LEKR1: variants seen among roughly 807,000 people sequenced by gnomAD.
The protein encoded by LEKR1 is protein LEKR1.
Under a neutral mutation model 72.4 loss-of-function variants are expected in LEKR1, and 59 were observed. The observed-to-expected ratio is 0.82, with a 90% CI of 0.66 to 1.01. LEKR1 has a LOEUF of 1.01. LEKR1 is among the 50% of genes least tolerant of loss of function. LEKR1 has a pLI of 0.00. For synonymous variants in LEKR1, 257 were observed against 263.2 expected, an observed-to-expected ratio of 0.98 and a Z score of 0.23; for missense variants, 728 against 759.2, an observed-to-expected ratio of 0.96 and a Z score of 0.48.
chr3:156,856,037 A>G (rs1716013171), intron 3 of LEKR1, among the ~76,000 whole-genome samples: 1 of 152,176 alleles, frequency 6.6e-6, no homozygotes, highest in Non-Finnish European at 1.5e-5. Flanking sequence ...GAGTACTGTT[A>G]TCAGAAGAAG....
At chr3:157,039,221 A>G (rs1483302611) in intron 12 of LEKR1, among the ~76,000 whole-genome samples, 1 of 152,228 alleles carries the variant, frequency 6.6e-6, no homozygotes, top group Admixed American at 6.5e-5. Context: ...CATACTTTTT[A>G]AAAACATTGG....
intron 3 of LEKR1, among the ~76,000 whole-genome samples, chr3:156,884,191 C>G (rs1324296717): frequency 6.6e-6 from 1 of 152,186 alleles, no homozygotes; most frequent in East Asian, 1.9e-4. Context: ...CTCTTGAAGA[C>G]AGCAGATACT....
intron 6 of LEKR1, among the ~76,000 whole-genome samples, chr3:156,953,968 A>T (rs1414472137): frequency 6.6e-6 from 1 of 151,962 alleles, no homozygotes; most frequent in Admixed American, 6.6e-5. Context: ...AGGTTAAACT[A>T]ATTTGTACTC....
chr3:156,978,816 A>C (rs1474815724), intron 6 of LEKR1, among the ~76,000 whole-genome samples: 1 of 152,206 alleles, frequency 6.6e-6, no homozygotes, highest in Non-Finnish European at 1.5e-5. Flanking sequence ...TCCAGACCAC[A>C]AAAGTGAGCT....
At chr3:156,873,516 G>A (rs913940377) in intron 3 of LEKR1, among the ~76,000 whole-genome samples, 6 of 151,686 alleles carry the variant, frequency 4.0e-5, no homozygotes, top group African/African-American at 7.3e-5. Flanking sequence ...TTATCACTGC[G>A]GTTTGGTGAT....
At chr3:156,999,493 T>C (rs1731848070) in intron 9 of LEKR1, among the ~76,000 whole-genome samples, 1 of 152,138 alleles carries the variant, frequency 6.6e-6, no homozygotes, top group African/African-American at 2.4e-5. Flanking sequence ...CTCTAAGTGC[T>C]TCTGTAGACA....
chr3:156,910,779 T>C (rs932783141), intron 3 of LEKR1, among the ~76,000 whole-genome samples: 5 of 152,222 alleles, frequency 3.3e-5, no homozygotes, highest in Non-Finnish European at 7.4e-5. Flanking sequence ...TCCGTGTCTT[T>C]GCTATTGTGA....
At chr3:156,966,795 C>T (rs57587016) in intron 6 of LEKR1, among the ~76,000 whole-genome samples, 3,806 of 152,222 alleles carry the variant, frequency 0.025, 164 homozygotes, top group African/African-American at 0.086. Context: ...TCTCCCAGCA[C>T]GCAGCTGGAG....
In LEKR1 at chr3:156,835,501, G is replaced by C. The variant is rs573789692; in HGVS notation, c.48+6124G>C. 1.2e-4 allele frequency among the ~76,000 whole-genome samples: 18 copies of C among 152,362 alleles called. No homozygotes were observed. The South Asian group carries it at 3.7e-3, about 32-fold the overall frequency. ...CCAAAAGAGAAACGCTATAGGACGA[G>C]ATAGTGATTTTATGGTGTATCTCAT... On this transcript the variant is annotated intron_variant, in intron 2 of 12. Coordinates refer to ENST00000356539, the MANE Select transcript of LEKR1 (RefSeq NM_001004316.3).
intron 6 of LEKR1, among the ~76,000 whole-genome samples, chr3:156,954,315 T>C (rs1727427966): frequency 2.0e-5 from 3 of 151,940 alleles, no homozygotes; most frequent in African/African-American, 4.8e-5. Flanking sequence ...CTTTAGGTTG[T>C]CTGTTCACCT....
chr3:156,885,401 T>C (rs996352940), intron 3 of LEKR1, among the ~76,000 whole-genome samples: 1 of 152,226 alleles, frequency 6.6e-6, no homozygotes, highest in African/African-American at 2.4e-5. Context: ...TTCCTTCTTA[T>C]TTGGGTAGAC....
intron 10 of LEKR1, among the ~76,000 whole-genome samples, chr3:157,019,114 T>C (rs900950654): frequency 6.6e-6 from 1 of 152,194 alleles, no homozygotes; most frequent in African/African-American, 2.4e-5. Context: ...TTAGGAGCCA[T>C]ATCTTTAAAA....
intron 2 of LEKR1, among the ~76,000 whole-genome samples, chr3:156,831,134 T>C (rs540939313): frequency 6.6e-6 from 1 of 152,232 alleles, no homozygotes; most frequent in South Asian, 2.1e-4. Flanking sequence ...TGGGAGCTGC[T>C]GATTGATTGG....
intron 6 of LEKR1, among the ~76,000 whole-genome samples, chr3:156,947,861 T>C (rs764914061): frequency 6.6e-6 from 1 of 151,222 alleles, no homozygotes; most frequent in Admixed American, 6.6e-5. Flanking sequence ...TTTAAATACA[T>C]ATTTGCAGAC....
intron 5 of LEKR1, among the ~76,000 whole-genome samples, chr3:156,936,670 G>A (rs2108579001): frequency 6.6e-6 from 1 of 152,104 alleles, no homozygotes; most frequent in East Asian, 1.9e-4. Flanking sequence ...TACATAATTA[G>A]ACCAGAAAAA....
intron 3 of LEKR1, among the ~76,000 whole-genome samples, chr3:156,917,298 A>G (rs1157520306): frequency 1.3e-5 from 2 of 152,148 alleles, no homozygotes; most frequent in Non-Finnish European, 2.9e-5. Flanking sequence ...TGTTCCAGAC[A>G]GAAACAGAAA....
chr3:156,899,584 A>G (rs570847984), intron 3 of LEKR1, among the ~76,000 whole-genome samples: 11 of 115,450 alleles, frequency 9.5e-5, no homozygotes, highest in African/African-American at 3.9e-4. Context: ...ATACATATAC[A>G]TGTATATATA....
At chr3:156,886,020 C>G (rs1720023291) in intron 3 of LEKR1, among the ~76,000 whole-genome samples, 1 of 152,096 alleles carries the variant, frequency 6.6e-6, no homozygotes, top group Admixed American at 6.5e-5. Context: ...CACATAGCTC[C>G]CAAGAGTTTC....
At chr3:156,883,728 C>G (rs995652653) in intron 3 of LEKR1, among the ~76,000 whole-genome samples, 2 of 152,182 alleles carry the variant, frequency 1.3e-5, no homozygotes, top group Admixed American at 6.5e-5. Flanking sequence ...ATGCCTTTCA[C>G]CTTCCACCAT....
Sources: allele counts gnomAD v4.1 joint callset (sites outside exome capture counted in the v4.1 genomes callset), GRCh38; gene constraint gnomAD v4.1.1; transcripts MANE v1.5; gene names NCBI Gene and HGNC (gene_info 2026-07-23, HGNC 2026-07-21).